The following ERICH6 variants were observed in gnomAD, a reference collection of about 807,000 sequenced individuals.
ERICH6 encodes glutamate-rich protein 6.
A neutral mutation model predicts 71.0 loss-of-function variants in ERICH6; 71 were observed. The ratio of observed to expected loss-of-function variants is 1.00; its 90% CI spans 0.83 to 1.22. ERICH6 has a LOEUF of 1.22. Ranked by LOEUF, ERICH6 falls within the 50% of genes most tolerant of loss-of-function variation. The pLI, the probability that ERICH6 is intolerant of heterozygous loss-of-function variation, is 0.00. For missense variants in ERICH6, 808 were observed against 797.2 expected (o/e 1.01, Z -0.16); for synonymous variants, 262 against 278.4 (o/e 0.94, Z 0.59).
intron 12 of ERICH6, among the ~76,000 whole-genome samples, chr3:150,667,306 G>C (rs1470457725): frequency 6.6e-6 from 1 of 151,394 alleles, no homozygotes; most frequent in Non-Finnish European, 1.5e-5. Context: ...GGCTTAGTCT[G>C]GAGAAAATGA....
intron 13 of ERICH6, among the ~76,000 whole-genome samples, chr3:150,666,114 T>A (rs1196501562): frequency 6.6e-6 from 1 of 152,212 alleles, no homozygotes; most frequent in Non-Finnish European, 1.5e-5. Context: ...GAGCTGAGGT[T>A]TGAAACTACA....
chr3:150,689,520 T>C (rs1002548539), intron 3 of ERICH6, among the ~76,000 whole-genome samples: 3 of 152,182 alleles, frequency 2.0e-5, no homozygotes, highest in South Asian at 2.1e-4. Flanking sequence ...TTTTAAAAGA[T>C]TTTTTTAAAA....
intron 11 of ERICH6, among the ~76,000 whole-genome samples, chr3:150,672,626 C>T (rs1711515826): frequency 6.7e-6 from 1 of 149,840 alleles, no homozygotes; most frequent in African/African-American, 2.5e-5. Context: ...ATATATTTTT[C>T]TTTTTCTTTT....
At chr3:150,701,796 G>T (rs16862794) in intron 2 of ERICH6, among the ~76,000 whole-genome samples, 12,700 of 147,566 alleles carry the variant, frequency 0.086, 1,233 homozygotes, top group East Asian at 0.37. Context: ...CACAAAAGGC[G>T]TCCCTGGTCA....
intron 7 of ERICH6, 101 bp from the exon 8 acceptor site, chr3:150,681,031 G>T: frequency 2.4e-6 from 3 of 1,236,940 alleles, no homozygotes; most frequent in Non-Finnish European, 3.3e-6. Flanking sequence ...TCCATCATAA[G>T]TTTTTATTCT....
chr3:150,671,441 A>C (rs1166556294), intron 11 of ERICH6, among the ~76,000 whole-genome samples: 1 of 152,206 alleles, frequency 6.6e-6, no homozygotes, highest in Non-Finnish European at 1.5e-5. Context: ...AGTCCAAGTG[A>C]TCAATAACTT....
rs1375903556 is a variant in ERICH6 at position 150,674,003 on chromosome 3, A to G, written c.1296T>C (p.His432=). The G allele has an allele frequency of 6.2e-7, 1 of 1,614,150 alleles. No homozygotes were observed. Among genetic ancestry groups the G allele is most frequent in the Non-Finnish European group, 8.5e-7 (1 of 1,180,020 alleles). Residue 432 remains histidine (H), a synonymous_variant, in exon 11 of 14, where the codon CAT becomes CAC. Transcript: ENST00000295910. ...GAAATGAAGTCAGAAACTTGCTCCC[A>G]TGTTTGTAGTGCTTCTCTAAGAGCT... The part of the protein sequence containing the change: ...RNELLEKHYK[H]GSKFLTSFPD...
intron 6 of ERICH6, 79 bp downstream of exon 6, chr3:150,685,663 A>T: frequency 1.7e-6 from 2 of 1,170,372 alleles, no homozygotes; most frequent in Non-Finnish European, 2.4e-6. Context: ...GAGTATTTTC[A>T]CTGTCTATTG....
chr3:150,678,015 T>C (rs1711728293), intron 10 of ERICH6, among the ~76,000 whole-genome samples: 1 of 152,170 alleles, frequency 6.6e-6, no homozygotes, highest in South Asian at 2.1e-4. Context: ...CTAGCGTGAC[T>C]GAGAAATTAC....
rs773952727 is a variant in ERICH6, at chr3:150,680,448, A to T, written c.1111+20T>A. ...TGACGTTGTACAGCTGGTCTATAAGATCAGCACTAATGAACTCACCATCTT... is the reference window on the plus strand; with the variant it reads ...TGACGTTGTACAGCTGGTCTATAAGTTCAGCACTAATGAACTCACCATCTT... On this transcript the variant is annotated intron_variant, in intron 9 of 13. Transcript: ENST00000295910. The T allele has an allele frequency of 6.2e-7, 1 of 1,611,770 alleles. No individual in the cohort carries two copies. The highest frequency in any genetic ancestry group is 1.1e-5 in the South Asian group (1 of 90,920).
At chr3:150,673,164 T>A (rs1452313855) in intron 11 of ERICH6, among the ~76,000 whole-genome samples, 1 of 150,580 alleles carries the variant, frequency 6.6e-6, no homozygotes, top group South Asian at 2.1e-4. Context: ...CTCCCTTCCA[T>A]CCGTCTTTCT....
At chr3:150,681,293 A>T (rs1476528962) in intron 7 of ERICH6, among the ~76,000 whole-genome samples, 1 of 152,184 alleles carries the variant, frequency 6.6e-6, no homozygotes, top group Non-Finnish European at 1.5e-5. Flanking sequence ...ACCATACAAC[A>T]TGTGGCACTC....
At chr3:150,691,732 T>A (rs1186791921) in intron 3 of ERICH6, among the ~76,000 whole-genome samples, 1 of 152,080 alleles carries the variant, frequency 6.6e-6, no homozygotes, top group Admixed American at 6.6e-5. Context: ...TTTTTTTAAA[T>A]TAAGGTTATT....
chr3:150,668,934 T>G (rs1230473853), intron 12 of ERICH6, among the ~76,000 whole-genome samples: 1 of 152,218 alleles, frequency 6.6e-6, no homozygotes, highest in Non-Finnish European at 1.5e-5. Context: ...TTTACATAGA[T>G]GAAGCAGAAT....
chr3:150,662,431 G>A (rs1211364651), intron 13 of ERICH6, among the ~76,000 whole-genome samples: 1 of 152,166 alleles, frequency 6.6e-6, no homozygotes, highest in Non-Finnish European at 1.5e-5. Context: ...TAGAGAGGGA[G>A]GTGTGGCTAG....
At chr3:150,696,510 A>G (rs1257606826) in intron 3 of ERICH6, among the ~76,000 whole-genome samples, 3 of 152,164 alleles carry the variant, frequency 2.0e-5, no homozygotes, top group African/African-American at 7.2e-5. Flanking sequence ...GGGAGGAGCA[A>G]TCTGCAACAT....
intron 7 of ERICH6, among the ~76,000 whole-genome samples, 191 bp from the exon 8 acceptor site, chr3:150,681,121 A>G (rs560064571): frequency 6.6e-6 from 1 of 152,020 alleles, no homozygotes; most frequent in African/African-American, 2.4e-5. Context: ...GTTTTAGTAT[A>G]TTCACAGAGT....
chr3:150,695,458 G>A (rs1712619785), intron 3 of ERICH6, among the ~76,000 whole-genome samples: 1 of 151,704 alleles, frequency 6.6e-6, no homozygotes, highest in African/African-American at 2.4e-5. Context: ...TCAGGAGACT[G>A]AGACCATCCT....
rs1470197992 is a variant in ERICH6 at position 150,703,752 on chromosome 3, CTCCACCTCT to C, written c.138_146del (p.Val48_Glu50del). 2 of 1,577,030 alleles carry C rather than the reference CTCCACCTCT, an allele frequency of 1.3e-6. No homozygotes were observed. Among genetic ancestry groups the C allele is most frequent in the African/African-American group, 3.3e-5 (2 of 60,114 alleles). On this transcript the variant is annotated inframe_deletion, in exon 1 of 14. Coordinates refer to ENST00000295910, the MANE Select transcript of ERICH6 (RefSeq NM_152394.5). ...CCTCCACCACCTCCTCCTCCTCCTCCTCCACCTCTTCCTCCTCCTCCTCCACCTCTTCCT... is the reference window on the plus strand; with the variant it reads ...CCTCCACCACCTCCTCCTCCTCCTCCTCCTCCTCCTCCTCCACCTCTTCCT...
Sources: gnomAD v4.1 joint callset for allele counts (sites outside exome capture counted in the v4.1 genomes callset) on GRCh38, gnomAD v4.1.1 for gene constraint, MANE v1.5 for transcripts, NCBI Gene and HGNC (gene_info 2026-07-23, HGNC 2026-07-21) for gene names.